The following SLA variants were observed in gnomAD, a reference collection of about 807,000 sequenced individuals.
SLA encodes the protein Src like adaptor.
Under a neutral mutation model 30.3 loss-of-function variants are expected in SLA, and 16 were observed. That is an observed-to-expected ratio of 0.53 (90% CI 0.36 to 0.80). The LOEUF (loss-of-function observed/expected upper bound fraction) is 0.80. SLA is among the 30% of genes least tolerant of loss of function. The pLI, the probability that SLA is intolerant of heterozygous loss-of-function variation, is 0.01. For synonymous variants in SLA, 143 were observed against 137.8 expected (o/e 1.04, Z -0.26); for missense variants, 310 against 345.2 (o/e 0.90, Z 0.81).
intron 7 of SLA, among the ~76,000 whole-genome samples, chr8:133,040,593 C>T (rs930738056): frequency 5.3e-5 from 8 of 152,104 alleles, no homozygotes; most frequent in African/African-American, 1.9e-4. Context: ...AGCGCTGATC[C>T]CCCCAGTTGT....
Position 133,038,457 on chromosome 8 carries a change from G to A in SLA, c.*67C>T, listed in dbSNP as rs761087007. The A allele has an allele frequency of 3.3e-5, 44 of 1,314,310 alleles. No homozygotes were observed. Among genetic ancestry groups the A allele is most frequent in the Non-Finnish European group, 4.8e-5 (44 of 911,434 alleles). 81.4% of individuals were successfully genotyped at this position (1,314,310 alleles called of 1,614,324 possible). On this transcript the variant is annotated 3_prime_UTR_variant, in exon 9 of 9. Coordinates refer to ENST00000338087, the MANE Select transcript of SLA (RefSeq NM_001045556.3). ...CAGGGATCAGGGAACCTCGCTTTTC[G>A]CAAGATCCCAGGCAATAGTTGGAAC...
At chr8:133,057,789 A>G (rs1004736285) in intron 3 of SLA, among the ~76,000 whole-genome samples, 2 of 150,724 alleles carry the variant, frequency 1.3e-5, no homozygotes, top group Non-Finnish European at 3.0e-5. Context: ...AAAAAAAAAC[A>G]AAAAAACAGA....
At chr8:133,098,838 G>A (rs981921215) in intron 1 of SLA, among the ~76,000 whole-genome samples, 7 of 152,136 alleles carry the variant, frequency 4.6e-5, no homozygotes, top group Admixed American at 2.6e-4. Context: ...GATTATGCCC[G>A]TTCATTGTGA....
chr8:133,044,785 C>T (rs190201789), intron 7 of SLA, among the ~76,000 whole-genome samples, 199 bp downstream of exon 7: 1 of 152,326 alleles, frequency 6.6e-6, no homozygotes, highest in East Asian at 1.9e-4. Flanking sequence ...AGATTAGCTG[C>T]ATTTGACTTA....
At position 133,096,228 on chromosome 8, in the gene SLA, TCCA is replaced by T. The variant is rs777454265; in HGVS notation, c.-319+6322_-319+6324del. On this transcript the variant is annotated intron_variant, in intron 1 of 8. Coordinates refer to ENST00000338087, the MANE Select transcript of SLA (RefSeq NM_001045556.3). The stretch of plus-strand genomic sequence containing the variant: ...CAGCTCCTGGCCGTGAGTGGCCCTT[TCCA>T]CTACTGGGGTCCTGTGATCGATGGC... 3.1e-6 allele frequency: 5 copies of T among 1,614,224 alleles called. No homozygotes were observed. The South Asian group carries it at 5.5e-5, about 18-fold the overall frequency.
At chr8:133,079,040 C>T (rs2739166) in intron 1 of SLA, among the ~76,000 whole-genome samples, 70,312 of 151,956 alleles carry the variant, frequency 0.46, 16,684 homozygotes, top group African/African-American at 0.53. Flanking sequence ...GGGACCACAT[C>T]AGATTCCATC....
chr8:133,057,268 G>A (rs1841613890), intron 3 of SLA, among the ~76,000 whole-genome samples: 2 of 152,058 alleles, frequency 1.3e-5, no homozygotes, highest in South Asian at 4.1e-4. Context: ...ATTTTAAGGT[G>A]GAAATATGCC....
Position 133,038,469 on chromosome 8 carries a change from G to A in SLA, c.*55C>T. 5 of 1,380,898 alleles carry A rather than the reference G, an allele frequency of 3.6e-6. No homozygotes were observed. The highest frequency in any genetic ancestry group is 2.3e-5 in the South Asian group (2 of 86,044). 85.5% of individuals were successfully genotyped at this position (1,380,898 alleles called of 1,614,324 possible). A position where few individuals can be genotyped will look rare whatever the true frequency, so the allele number is the denominator to read the frequency against. On this transcript the variant is annotated 3_prime_UTR_variant, in exon 9 of 9. Coordinates refer to ENST00000338087, the MANE Select transcript of SLA (RefSeq NM_001045556.3). ...AACCTCGCTTTTCGCAAGATCCCAGGCAATAGTTGGAACTTCTGTTCCTTT... is the reference window on the plus strand; with the variant it reads ...AACCTCGCTTTTCGCAAGATCCCAGACAATAGTTGGAACTTCTGTTCCTTT...
In SLA at chr8:133,038,472, A is replaced by G. The variant is rs766570347; in HGVS notation, c.*52T>C. On this transcript the variant is annotated 3_prime_UTR_variant, in exon 9 of 9. Coordinates refer to ENST00000338087, the MANE Select transcript of SLA (RefSeq NM_001045556.3). ...CTCGCTTTTCGCAAGATCCCAGGCA[A>G]TAGTTGGAACTTCTGTTCCTTTTGG... 28 of 1,391,222 alleles carry G rather than the reference A, an allele frequency of 2.0e-5. No homozygotes were observed. The highest frequency in any genetic ancestry group is 2.6e-5 in the Non-Finnish European group (25 of 977,974). 86.2% of individuals were successfully genotyped at this position (1,391,222 alleles called of 1,614,324 possible).
rs1443032225 is a variant in SLA, at chr8:133,037,171, T to A, written c.*1353A>T. ...AGCATGTTCCCCTCCTTCCCCAGGA[T>A]CCCTTTGAAACAGGGAAACATGAGT... On this transcript the variant is annotated 3_prime_UTR_variant, in exon 9 of 9. Transcript: ENST00000338087. The A allele has an allele frequency of 6.6e-6, 1 of 152,120 alleles. No individual in the cohort carries two copies. The highest frequency in any genetic ancestry group is 1.5e-5 in the Non-Finnish European group (1 of 68,026). The allele number at this position is 152,120 out of a possible 1,614,324, so 9.4% of individuals were successfully genotyped here.
chr8:133,101,751 C>T (rs1033608221), intron 1 of SLA, among the ~76,000 whole-genome samples: 16 of 152,164 alleles, frequency 1.1e-4, no homozygotes, highest in African/African-American at 3.9e-4. Context: ...ACTGAAACAC[C>T]ATTGATACAT....
chr8:133,071,129 A>G (rs993646560), intron 2 of SLA, among the ~76,000 whole-genome samples: 5 of 152,134 alleles, frequency 3.3e-5, no homozygotes, highest in Non-Finnish European at 7.3e-5. Flanking sequence ...TCCCTTGATG[A>G]GGCTTCGTGT....
chr8:133,086,861 C>A (rs1042033386), intron 1 of SLA, among the ~76,000 whole-genome samples: 2 of 152,174 alleles, frequency 1.3e-5, no homozygotes, highest in African/African-American at 4.8e-5. Context: ...GTATCCAAGT[C>A]TATCATATTT....
chr8:133,056,336 A>G (rs770317509), intron 3 of SLA, among the ~76,000 whole-genome samples: 9 of 152,214 alleles, frequency 5.9e-5, no homozygotes, highest in Non-Finnish European at 1.2e-4. Flanking sequence ...TTAGATTCAA[A>G]TAGAAAAAAG....
intron 1 of SLA, among the ~76,000 whole-genome samples, chr8:133,081,696 CCCACTGCCT>C (rs1229498594): frequency 6.6e-6 from 1 of 151,000 alleles, no homozygotes; most frequent in Non-Finnish European, 1.5e-5. Flanking sequence ...TCAACCTAGA[CCCACTGCCT>C]CCACATCGGG....
intron 1 of SLA, among the ~76,000 whole-genome samples, chr8:133,077,301 C>G (rs1045610052): frequency 6.6e-6 from 1 of 152,088 alleles, no homozygotes; most frequent in Non-Finnish European, 1.5e-5. Flanking sequence ...CAAGGGGTCC[C>G]GTTCACAGGA....
chr8:133,087,345 A>G (rs1846755843), intron 1 of SLA, among the ~76,000 whole-genome samples: 1 of 152,214 alleles, frequency 6.6e-6, no homozygotes, highest in African/African-American at 2.4e-5. Flanking sequence ...TTTCTAGAGT[A>G]TGAAAAGGAT....
chr8:133,048,214 T>C (rs4736618), intron 5 of SLA, among the ~76,000 whole-genome samples: 19,825 of 152,110 alleles, frequency 0.13, 1,392 homozygotes, highest in Admixed American at 0.15. Context: ...CTGCTCTTCC[T>C]TTTATTTATG....
chr8:133,094,303 C>T (rs1053974707), intron 1 of SLA, among the ~76,000 whole-genome samples: 9 of 140,910 alleles, frequency 6.4e-5, no homozygotes, highest in South Asian at 2.5e-4. Flanking sequence ...TGCAGAGGTG[C>T]GATCTCGGTC....
Sources: gnomAD v4.1 joint callset for allele counts (sites outside exome capture counted in the v4.1 genomes callset) on GRCh38, gnomAD v4.1.1 for gene constraint, MANE v1.5 for transcripts, NCBI Gene and HGNC (gene_info 2026-07-23, HGNC 2026-07-21) for gene names.